The following ATXN3 variants were observed in gnomAD, a reference collection of about 807,000 sequenced individuals.
The protein encoded by ATXN3 is ataxin 3.
In ATXN3, 28 loss-of-function variants were observed where a neutral mutation model predicts 58.2. The ratio of observed to expected loss-of-function variants is 0.48; its 90% CI spans 0.36 to 0.66. The LOEUF (loss-of-function observed/expected upper bound fraction) is 0.66. ATXN3 is among the 30% of genes least tolerant of loss of function. The pLI, the probability that ATXN3 is intolerant of heterozygous loss-of-function variation, is 0.00. For synonymous variants in ATXN3, 113 were observed against 138.5 expected, an observed-to-expected ratio of 0.82 and a Z score of 1.29; for missense variants, 321 against 422.1, an observed-to-expected ratio of 0.76 and a Z score of 2.10.
intron 10 of ATXN3, among the ~76,000 whole-genome samples, chr14:92,068,455 C>T (rs1254284388): frequency 6.6e-6 from 1 of 152,156 alleles, no homozygotes; most frequent in East Asian, 1.9e-4. Context: ...GGTCTGAACC[C>T]ATAGCTTCTC....
intron 9 of ATXN3, among the ~76,000 whole-genome samples, chr14:92,077,395 G>A (rs1042210485): frequency 2.6e-5 from 4 of 151,328 alleles, no homozygotes; most frequent in Non-Finnish European, 5.9e-5. Flanking sequence ...CGCCCAGACT[G>A]GAGTGCAGTG....
At position 92,060,221 on chromosome 14, in the gene ATXN3, C is replaced by CATAT; in HGVS notation, c.*4095_*4098dup. The CATAT allele has an allele frequency of 7.1e-6, 1 of 140,092 alleles. No homozygotes were observed. Among genetic ancestry groups the CATAT allele is most frequent in the East Asian group, 2.2e-4 (1 of 4,644 alleles). 8.7% of individuals were successfully genotyped at this position (140,092 alleles called of 1,614,324 possible). A position where few individuals can be genotyped will look rare whatever the true frequency, so the allele number is the denominator to read the frequency against. ...TGGGATAAAGTTTTTAATAGGAAGT[C>CATAT]ATATATATATACATATATATATACA... On this transcript the variant is annotated 3_prime_UTR_variant, in exon 11 of 11. Coordinates refer to ENST00000644486, the MANE Select transcript of ATXN3 (RefSeq NM_004993.6).
chr14:92,066,079 G>A (rs932397460), intron 10 of ATXN3, among the ~76,000 whole-genome samples: 7 of 138,692 alleles, frequency 5.0e-5, no homozygotes, highest in African/African-American at 2.0e-4. Context: ...AGCACTTACG[G>A]AGTGTAATAC....
chr14:92,080,976 G>C lies in ATXN3; in HGVS notation c.861C>G (p.Ala287=). Reference sequence around the variant, plus strand: ...ACCAACTACTTTACTTTTCAAAGTAGGCTTCTCGTCTCTTCCGAAGCTCTT... The same window carrying C: ...ACCAACTACTTTACTTTTCAAAGTACGCTTCTCGTCTCTTCCGAAGCTCTT... ...TSEELRKRRE[A]YFEKQQQKQQ... Residue 287 remains alanine, a synonymous_variant, in exon 9 of 11, where the codon GCC becomes GCG. Transcript: ENST00000644486. 6.2e-7 allele frequency: 1 copy of C among 1,606,458 alleles called. No homozygotes were observed.
At chr14:92,046,951 A>G (rs1038486853) in intron 2 of ATXN3, among the ~76,000 whole-genome samples, 34 of 152,236 alleles carry the variant, frequency 2.2e-4, no homozygotes, top group African/African-American at 7.7e-4. Context: ...CTTGTTGAGA[A>G]GATTCAAAGG....
intron 6 of ATXN3, among the ~76,000 whole-genome samples, chr14:92,087,605 T>A (rs2062873486): frequency 6.6e-6 from 1 of 152,234 alleles, no homozygotes; most frequent in African/African-American, 2.4e-5. Flanking sequence ...GAGATTTTTG[T>A]CATTCAAGTA....
At chr14:92,073,838 CA>C (rs565352190) in intron 9 of ATXN3, among the ~76,000 whole-genome samples, 1 of 149,140 alleles carries the variant, frequency 6.7e-6, no homozygotes, top group Non-Finnish European at 1.5e-5. Flanking sequence ...GACTCTGTCT[CA>C]AAAAAAACAA....
At chr14:92,086,476 A>C (rs928304826) in intron 6 of ATXN3, among the ~76,000 whole-genome samples, 2 of 151,636 alleles carry the variant, frequency 1.3e-5, no homozygotes, top group Non-Finnish European at 2.9e-5. Flanking sequence ...GAGGCAAGAA[A>C]ATCGCTTGAA....
At chr14:92,077,938 C>T (rs28841105) in intron 9 of ATXN3, among the ~76,000 whole-genome samples, 1,784 of 151,456 alleles carry the variant, frequency 0.012, 42 homozygotes, top group African/African-American at 0.041. Context: ...TGAGCCACTA[C>T]GCCTGGCCAT....
At chr14:92,093,567 G>A (rs2064402251) in intron 4 of ATXN3, 179 bp downstream of exon 4, 2 of 647,242 alleles carry the variant, frequency 3.1e-6, no homozygotes, top group East Asian at 5.5e-5. Flanking sequence ...GGGGTGCCAG[G>A]AAGGCTACAG....
intron 2 of ATXN3, chr14:92,045,039 G>A (rs952755053): frequency 3.9e-5 from 6 of 152,274 alleles, no homozygotes; most frequent in African/African-American, 1.4e-4. Context: ...GTCGCCTAGA[G>A]GGCTGGTGTC....
At chr14:92,047,019 G>A (rs1261584538) in intron 2 of ATXN3, among the ~76,000 whole-genome samples, 2 of 152,168 alleles carry the variant, frequency 1.3e-5, no homozygotes, top group Non-Finnish European at 1.5e-5. Flanking sequence ...GCGAAGGGAT[G>A]GAAAGAAAGT....
Position 92,096,124 on chromosome 14 carries a change from T to A in ATXN3, c.203A>T (p.Asn68Ile). Residue 68 changes from asparagine to isoleucine, a missense_variant, in exon 3 of 11, where the codon AAT becomes ATT. Coordinates refer to ENST00000644486, the MANE Select transcript of ATXN3 (RefSeq NM_004993.6). ...YRTFLQQPSG[N>I]MDDSGFFSIQ... ...AGAGAAAAAACCACTGTCATCCATA[T>A]TTCCAGAAGGCTGCTGTTAATTTTG... 1 of 1,611,402 alleles carries A rather than the reference T, an allele frequency of 6.2e-7. No individual in the cohort carries two copies. Among genetic ancestry groups the A allele is most frequent in the Non-Finnish European group, 8.5e-7 (1 of 1,178,874 alleles).
intron 7 of ATXN3, among the ~76,000 whole-genome samples, 183 bp from the exon 8 acceptor site, chr14:92,082,649 C>CTT (rs34366039): frequency 9.8e-5 from 13 of 132,912 alleles, no homozygotes; most frequent in South Asian, 2.3e-4. Flanking sequence ...TTTTCCGTTT[C>CTT]TTTTTTTTTT....
In ATXN3 at chr14:92,061,460, T is replaced by C. The variant is rs1167565389; in HGVS notation, c.*2860A>G. On this transcript the variant is annotated 3_prime_UTR_variant, in exon 11 of 11. Coordinates refer to ENST00000644486, the MANE Select transcript of ATXN3 (RefSeq NM_004993.6). ...AAACATAAATTACTCATTAAATCCA[T>C]GACATCTGAAAATATGAAAGTGGTA... 1 of 152,220 alleles carries C rather than the reference T, an allele frequency of 6.6e-6. No individual in the cohort carries two copies. The highest frequency in any genetic ancestry group is 1.5e-5 in the Non-Finnish European group (1 of 68,042). 9.4% of individuals were successfully genotyped at this position (152,220 alleles called of 1,614,324 possible).
chr14:92,062,995 A>G lies in ATXN3; in HGVS notation c.*1325T>C, dbSNP rs553786504. ...GGATAGGGAACACTGAAACTAAAAC[A>G]TCAATTTCAGAGACATGGTTTTCAC... On this transcript the variant is annotated 3_prime_UTR_variant, in exon 11 of 11. Coordinates refer to ENST00000644486, the MANE Select transcript of ATXN3 (RefSeq NM_004993.6). The G allele has an allele frequency of 3.9e-5, 6 of 152,776 alleles. No homozygotes were observed. In the East Asian group the frequency reaches 1.2e-3, roughly 29 times the overall value. The allele number at this position is 152,776 out of a possible 1,614,324, so 9.5% of individuals were successfully genotyped here. A position where few individuals can be genotyped will look rare whatever the true frequency, so the allele number is the denominator to read the frequency against.
chr14:92,094,340 A>G (rs2064669470), intron 3 of ATXN3, among the ~76,000 whole-genome samples: 1 of 152,238 alleles, frequency 6.6e-6, no homozygotes, highest in South Asian at 2.1e-4. Context: ...CAGGTCTCTG[A>G]GATGTTCCAG....
At chr14:92,094,091 C>T (rs990482654) in intron 3 of ATXN3, among the ~76,000 whole-genome samples, 5 of 151,984 alleles carry the variant, frequency 3.3e-5, no homozygotes, top group Admixed American at 6.6e-5. Context: ...TACAAGCACA[C>T]GCCACCACAC....
At chr14:92,054,995 T>G (rs961768898), downstream of ATXN3, among the ~76,000 whole-genome samples, 5 of 152,116 alleles carry the variant, frequency 3.3e-5, no homozygotes, top group African/African-American at 1.2e-4. Flanking sequence ...AATTCTCCTG[T>G]CTCAGCCACT....
Sources: gnomAD v4.1 joint callset for allele counts (sites outside exome capture counted in the v4.1 genomes callset) on GRCh38, gnomAD v4.1.1 for gene constraint, MANE v1.5 for transcripts, NCBI Gene and HGNC (gene_info 2026-07-23, HGNC 2026-07-21) for gene names.